ZNF595: variants seen among roughly 807,000 people sequenced by gnomAD.
The protein encoded by ZNF595 is zinc finger protein 595.
ZNF595 carries 9 observed loss-of-function variants against 19.4 expected under a neutral mutation model. The ratio of observed to expected loss-of-function variants is 0.46; its 90% confidence interval spans 0.28 to 0.81. The LOEUF (loss-of-function observed/expected upper bound fraction) is 0.81, where lower values mean the gene tolerates loss of function less well. Ranked by LOEUF, ZNF595 falls within the 30% of genes least tolerant of loss-of-function variation. ZNF595 has a pLI of 0.11. For missense variants in ZNF595, 729 were observed against 736.0 expected (o/e 0.99, Z 0.11); for synonymous variants, 255 against 255.9 (o/e 1.00, Z 0.03).
At chr4:67,307 A>AT (rs1713170689) in intron 3 of ZNF595, among the ~76,000 whole-genome samples, 1 of 145,718 alleles carries the variant, frequency 6.9e-6, no homozygotes, top group Admixed American at 6.8e-5. Context: ...TTAAAAAAAA[A>AT]GGGTGGGGGG....
At chr4:78,515 T>C (rs1043311440) in intron 3 of ZNF595, among the ~76,000 whole-genome samples, 1 of 152,242 alleles carries the variant, frequency 6.6e-6, no homozygotes, top group Non-Finnish European at 1.5e-5. Flanking sequence ...GTAAATTATT[T>C]ATTCACTTGA....
chr4:80,405 T>C (rs920077871), intron 3 of ZNF595, among the ~76,000 whole-genome samples: 6 of 152,240 alleles, frequency 3.9e-5, no homozygotes, highest in Admixed American at 3.9e-4. Context: ...ATATGACAAG[T>C]CAATGGCTGA....
chr4:84,854 T>C (rs529927382), intron 3 of ZNF595, among the ~76,000 whole-genome samples: 4 of 152,198 alleles, frequency 2.6e-5, no homozygotes, highest in East Asian at 1.9e-4. Context: ...CTTTAGCTCA[T>C]TGAGGATTTT....
At chr4:69,115 G>A (rs191602654) in intron 3 of ZNF595, among the ~76,000 whole-genome samples, 10 of 152,198 alleles carry the variant, frequency 6.6e-5, no homozygotes, top group Admixed American at 2.0e-4. Context: ...AAAGTACTCC[G>A]TTGTGTATTT....
At position 86,282 on chromosome 4, in the gene ZNF595, G is replaced by A. The variant is rs113081117; in HGVS notation, c.778G>A (p.Glu260Lys). The A allele has an allele frequency of 3.1e-6, 5 of 1,611,112 alleles. No individual in the cohort carries two copies. The highest frequency in any genetic ancestry group is 2.2e-5 in the South Asian group (2 of 90,972). ...TGGAGAGAAACCCTACAAATGTGAAGAATGTGGCAAAGCCTTTACAAGGTC... is the reference window on the plus strand; with the variant it reads ...TGGAGAGAAACCCTACAAATGTGAAAAATGTGGCAAAGCCTTTACAAGGTC... ...HTGEKPYKCE[E>K]CGKAFTRSTT... Residue 260 changes from glutamate (E) to lysine (K), a missense_variant, in exon 4 of 4, where the codon GAA becomes AAA. Around this residue, in one of 2 missense-constraint regions of ZNF595, gnomAD observed 729 missense variants for 675.3 expected, o/e 1.08. Coordinates refer to ENST00000610261, the MANE Select transcript of ZNF595 (RefSeq NM_182524.4).
intron 3 of ZNF595, among the ~76,000 whole-genome samples, chr4:60,817 G>A (rs1712823469): frequency 6.6e-6 from 1 of 152,274 alleles, no homozygotes; most frequent in South Asian, 2.1e-4. Context: ...GAAAAAATAT[G>A]TTATTTTACT....
intron 3 of ZNF595, among the ~76,000 whole-genome samples, chr4:71,663 T>TG (rs1560087786): frequency 6.6e-6 from 1 of 152,204 alleles, no homozygotes; most frequent in Non-Finnish European, 1.5e-5. Flanking sequence ...AGTGCCCTGA[T>TG]GCTAAAGCAC....
At chr4:79,519 T>TA (rs1217586164) in intron 3 of ZNF595, among the ~76,000 whole-genome samples, 4 of 152,234 alleles carry the variant, frequency 2.6e-5, no homozygotes, top group African/African-American at 4.8e-5. Flanking sequence ...ACATCTTTGT[T>TA]AAAAATCACT....
In ZNF595 at chr4:86,518, A is replaced by G. The variant is rs370276055; in HGVS notation, c.1014A>G (p.Lys338=). The change falls in exon 4 of 4, where the codon AAA becomes AAG. Residue 338 remains lysine, a synonymous_variant. Coordinates refer to ENST00000610261, the MANE Select transcript of ZNF595 (RefSeq NM_182524.4). The part of the protein sequence containing the change: ...NEHKNIHTGE[K]PYTCEKCGKA... ...ATAAAAATATTCATACTGGCGAAAA[A>G]CCCTACACATGTGAAAAATGTGGCA... 7.4e-6 allele frequency: 12 copies of G among 1,613,870 alleles called. No homozygotes were observed. The African/African-American group carries it at 1.6e-4, about 22-fold the overall frequency.
At chr4:84,967 A>G (rs187737205) in intron 3 of ZNF595, among the ~76,000 whole-genome samples, 20 of 152,236 alleles carry the variant, frequency 1.3e-4, no homozygotes, top group Admixed American at 3.9e-4. Flanking sequence ...TATTTTGTAT[A>G]TATTGTAACA....
intron 3 of ZNF595, among the ~76,000 whole-genome samples, chr4:72,166 G>C (rs1409257795): frequency 6.6e-6 from 1 of 152,022 alleles, no homozygotes; most frequent in Non-Finnish European, 1.5e-5. Context: ...TGTAGAGCTT[G>C]AAAAATAGAA....
chr4:75,313 C>T (rs1174529529), intron 3 of ZNF595, among the ~76,000 whole-genome samples: 1 of 152,204 alleles, frequency 6.6e-6, no homozygotes, highest in African/African-American at 2.4e-5. Context: ...AGTCCAAGAG[C>T]ATGCCATTCC....
chr4:66,189 A>G (rs1166398347), intron 3 of ZNF595, among the ~76,000 whole-genome samples: 2 of 150,602 alleles, frequency 1.3e-5, no homozygotes, highest in East Asian at 4.0e-4. Flanking sequence ...TGTTTGCTTG[A>G]TATTGGCCAT....
In ZNF595 at chr4:82,372, G is replaced by GTTTT. The variant is rs34932652; in HGVS notation, c.227-3334_227-3331dup. 1.9e-4 allele frequency among the ~76,000 whole-genome samples: 16 copies of GTTTT among 85,920 alleles called. 1 individual carries two copies. Among genetic ancestry groups the GTTTT allele is most frequent in the Admixed American group, 5.3e-4 (4 of 7,542 alleles). 56.4% of individuals were successfully genotyped at this position (85,920 alleles called of 152,430 possible). Reference sequence around the variant, plus strand: ...CAAAAGTCCATTTTTTTGGTTTGTGGTTTTTTTTTTTTTTTTTTTTTTTTT... The same window carrying GTTTT: ...CAAAAGTCCATTTTTTTGGTTTGTGGTTTTTTTTTTTTTTTTTTTTTTTTTTTTT... On this transcript the variant is annotated intron_variant, in intron 3 of 3. Coordinates refer to ENST00000610261, the MANE Select transcript of ZNF595 (RefSeq NM_182524.4).
chr4:71,208 A>G (rs1361821650), intron 3 of ZNF595, among the ~76,000 whole-genome samples: 2 of 152,208 alleles, frequency 1.3e-5, no homozygotes, highest in Admixed American at 6.5e-5. Context: ...TAAATTTATT[A>G]GTTCTAATAG....
chr4:85,950 C>T lies in ZNF595; in HGVS notation c.446C>T (p.Thr149Ile), dbSNP rs782300741. The T allele has an allele frequency of 1.2e-6, 2 of 1,611,538 alleles. No individual in the cohort carries two copies. Among genetic ancestry groups the T allele is most frequent in the East Asian group, 4.5e-5 (2 of 44,828 alleles). ...TTQSKIFQCN[T>I]CVKVFSKFSN... Reference sequence around the variant, plus strand: ...CAGAGCAAAATATTTCAATGTAATACATGTGTTAAAGTTTTTAGTAAATTT... The same window carrying T: ...CAGAGCAAAATATTTCAATGTAATATATGTGTTAAAGTTTTTAGTAAATTT... Residue 149 changes from threonine (T) to isoleucine (I), a missense_variant, in exon 4 of 4, where the codon ACA becomes ATA. Thr to Ile is a moderately conservative substitution (Grantham distance 89). Transcript: ENST00000610261.
chr4:79,581 T>A (rs1412314236), intron 3 of ZNF595, among the ~76,000 whole-genome samples: 2 of 152,102 alleles, frequency 1.3e-5, no homozygotes, highest in Non-Finnish European at 2.9e-5. Flanking sequence ...CTTTGATCTC[T>A]TTGTCTGTTT....
In ZNF595 at chr4:87,972, G is replaced by A. The variant is rs922987961; in HGVS notation, c.*521G>A. 3.3e-5 allele frequency: 5 copies of A among 151,924 alleles called. No individual in the cohort carries two copies. Among genetic ancestry groups the A allele is most frequent in the African/African-American group, 9.7e-5 (4 of 41,350 alleles). 9.4% of individuals were successfully genotyped at this position (151,924 alleles called of 1,614,324 possible). ...CCTGAGCTCATGATCCACCCACCTCGGCCTCCCAAAGTGCTGGGATTACGG... is the reference window on the plus strand; with the variant it reads ...CCTGAGCTCATGATCCACCCACCTCAGCCTCCCAAAGTGCTGGGATTACGG... On this transcript the variant is annotated 3_prime_UTR_variant, in exon 4 of 4. Coordinates refer to ENST00000610261, the MANE Select transcript of ZNF595 (RefSeq NM_182524.4).
At chr4:79,915 A>G (rs1198167860) in intron 3 of ZNF595, among the ~76,000 whole-genome samples, 1 of 152,164 alleles carries the variant, frequency 6.6e-6, no homozygotes, top group African/African-American at 2.4e-5. Context: ...CCAATGTTTT[A>G]TAATTTTCAG....
Sources: allele counts gnomAD v4.1 joint callset (sites outside exome capture counted in the v4.1 genomes callset), GRCh38; gene constraint gnomAD v4.1.1; regional missense constraint gnomAD v4.1.1; transcripts MANE v1.5; gene names NCBI Gene and HGNC (gene_info 2026-07-23, HGNC 2026-07-21).